Variants in CD8B observed in about 807,000 individuals in gnomAD.
CD8B encodes the protein CD8 subunit beta, also known as T-cell surface glycoprotein CD8 beta chain.
In CD8B, 6 loss-of-function variants were observed where a neutral mutation model predicts 24.2. The ratio of observed to expected loss-of-function variants is 0.25; its 90% CI spans 0.14 to 0.49. CD8B has a LOEUF of 0.49. Among genes scored for constraint, CD8B ranks in the 20% least tolerant of loss-of-function variants. The pLI is 0.98. For synonymous variants in CD8B, 84 were observed against 108.3 expected, an observed-to-expected ratio of 0.78 and a Z score of 1.39; for missense variants, 196 against 271.3, an observed-to-expected ratio of 0.72 and a Z score of 1.95.
At chr2:86,861,545 G>A (rs578019618) in intron 1 of CD8B, among the ~76,000 whole-genome samples, 2 of 152,200 alleles carry the variant, frequency 1.3e-5, no homozygotes, top group Non-Finnish European at 2.9e-5. Context: ...TCCCTCACTC[G>A]CTCCCCTTTT....
At chr2:86,815,490 T>TG, downstream of CD8B, 2 of 722,228 alleles carry the variant, frequency 2.8e-6, no homozygotes, top group East Asian at 2.5e-5. Context: ...CCCTATGACT[T>TG]GGGGGGTTGA....
At chr2:86,857,684 C>T (rs1313045021) in intron 2 of CD8B, among the ~76,000 whole-genome samples, 1 of 152,082 alleles carries the variant, frequency 6.6e-6, no homozygotes, top group Non-Finnish European at 1.5e-5. Flanking sequence ...CGCACCACTG[C>T]ACCCCAGCCT....
intron 2 of CD8B, among the ~76,000 whole-genome samples, chr2:86,856,004 C>T (rs1481184829): frequency 1.3e-5 from 2 of 152,252 alleles, no homozygotes; most frequent in Non-Finnish European, 2.9e-5. Flanking sequence ...CCATGATATA[C>T]TTAAGGGCCT....
chr2:86,821,083 G>GCTGGCTTTGAATAC (rs1674444995), intron 5 of CD8B, among the ~76,000 whole-genome samples: 1 of 151,546 alleles, frequency 6.6e-6, no homozygotes, highest in South Asian at 2.1e-4. Flanking sequence ...AGGCGGTGTA[G>GCTGGCTTTGAATAC]CTGGCTTTGA....
chr2:86,842,337 T>A lies in CD8B; in HGVS notation c.621-18A>T. On this transcript the variant is annotated intron_variant, in intron 5 of 5. Transcript: ENST00000390655. ...TGTAAAATCTGAAAACAACAGCAAG[T>A]TGTGAAACCACTTATTTTCAGGCAA... 1.3e-6 allele frequency: 2 copies of A among 1,561,432 alleles called. No individual in the cohort carries two copies.
chr2:86,833,009 C>A, intron 5 of CD8B: 1 of 363,856 alleles, frequency 2.7e-6, no homozygotes, highest in Non-Finnish European at 5.5e-6. Context: ...CCTCTTCTCT[C>A]TCTCCCTCTT....
intron 3 of CD8B, among the ~76,000 whole-genome samples, chr2:86,849,674 C>T (rs1481348315): frequency 2.7e-5 from 4 of 149,270 alleles, no homozygotes; most frequent in South Asian, 4.2e-4. Flanking sequence ...GTGAACTTTG[C>T]GGTATGCAAA....
chr2:86,832,650 G>A (rs1674948589), intron 5 of CD8B, among the ~76,000 whole-genome samples: 1 of 151,484 alleles, frequency 6.6e-6, no homozygotes, highest in African/African-American at 2.4e-5. Context: ...CCCTTCTGTT[G>A]TTGGTTTGCC....
Position 86,839,410 on chromosome 2 carries a change from A to G in CD8B, c.*2897T>C, listed in dbSNP as rs910071391. ...ACTTTTTGATGTATTTCTTTCAGATAAATGCCAACAAGTGGAATTGCTAGT... is the reference window on the plus strand; with the variant it reads ...ACTTTTTGATGTATTTCTTTCAGATGAATGCCAACAAGTGGAATTGCTAGT... On this transcript the variant is annotated 3_prime_UTR_variant, in exon 6 of 6. Coordinates refer to ENST00000390655, the MANE Select transcript of CD8B (RefSeq NM_004931.5). Among the ~76,000 whole-genome samples the G allele has an allele frequency of 2.0e-5, 3 of 152,276 alleles. No homozygotes were observed. The highest frequency in any genetic ancestry group is 4.4e-5 in the Non-Finnish European group (3 of 68,056).
At chr2:86,815,691 G>A in exon 6 of CD8B, 2 of 1,611,238 alleles carry the variant, frequency 1.2e-6, no homozygotes, top group South Asian at 2.2e-5. Flanking sequence ...GGGGGACAAA[G>A]GTTCCTGATA....
At chr2:86,854,971 A>G (rs1484579627) in intron 2 of CD8B, among the ~76,000 whole-genome samples, 1 of 152,060 alleles carries the variant, frequency 6.6e-6, no homozygotes, top group Non-Finnish European at 1.5e-5. Context: ...AAATACAAAA[A>G]TTAGTTGGGC....
Position 86,857,725 on chromosome 2 carries a change from A to T in CD8B, c.403+332T>A, listed in dbSNP as rs200810331. Reference sequence around the variant, plus strand: ...ACACAGTGAGGCTCTGTCTCAAAAAAAATAATAATAATAAATAAATAAAAA... The same window carrying T: ...ACACAGTGAGGCTCTGTCTCAAAAATAATAATAATAATAAATAAATAAAAA... On this transcript the variant is annotated intron_variant, in intron 2 of 5. Transcript: ENST00000390655. 5.5e-4 allele frequency among the ~76,000 whole-genome samples: 83 copies of T among 152,254 alleles called. 1 individual carries two copies. Among genetic ancestry groups the T allele is most frequent in the Admixed American group, 3.0e-3 (46 of 15,290 alleles).
At chr2:86,845,549 G>T (rs1275856228) in intron 4 of CD8B, among the ~76,000 whole-genome samples, 1 of 152,114 alleles carries the variant, frequency 6.6e-6, no homozygotes, top group African/African-American at 2.4e-5. Context: ...TCCCTCCTCA[G>T]CCTCTCGAGT....
At chr2:86,843,213 C>T (rs555428876) in intron 5 of CD8B, among the ~76,000 whole-genome samples, 2 of 152,040 alleles carry the variant, frequency 1.3e-5, no homozygotes, top group East Asian at 3.9e-4. Context: ...TTACCTCAGC[C>T]TCTCGAGTAG....
intron 5 of CD8B, chr2:86,821,642 A>G (rs1246326189): frequency 3.0e-6 from 1 of 334,532 alleles, no homozygotes; most frequent in Non-Finnish European, 6.6e-6. Flanking sequence ...TCCATAACTG[A>G]GAGCAGGCAG....
chr2:86,829,428 T>G (rs149514971), intron 5 of CD8B, among the ~76,000 whole-genome samples: 1 of 152,218 alleles, frequency 6.6e-6, no homozygotes, highest in African/African-American at 2.4e-5. Flanking sequence ...TCTGAATATT[T>G]TGTTTACTGT....
chr2:86,846,516 T>C (rs1050058299), intron 4 of CD8B, among the ~76,000 whole-genome samples, 168 bp downstream of exon 4: 2 of 152,172 alleles, frequency 1.3e-5, no homozygotes, highest in African/African-American at 4.8e-5. Context: ...TCTTTGGTTT[T>C]GGCTGCGTAG....
At chr2:86,822,433 G>T in intron 5 of CD8B, 3 of 1,023,860 alleles carry the variant, frequency 2.9e-6, no homozygotes, top group South Asian at 2.8e-5. Context: ...GAAATGTTCA[G>T]AAATAAAGCA....
Position 86,858,388 on chromosome 2 carries a change from C to T in CD8B, c.72G>A (p.Gln24=). 2 of 1,602,272 alleles carry T rather than the reference C, an allele frequency of 1.2e-6. No homozygotes were observed. Among genetic ancestry groups the T allele is most frequent in the Non-Finnish European group, 1.7e-6 (2 of 1,172,728 alleles). ...TTTGCACCTTTATGTATGCAGGGGT[C>T]TGCTGGAGGACTGAGTTGCCATGGA... ...TVLHGNSVLQ[Q]TPAYIKVQTN... Residue 24 remains glutamine (Q), a synonymous_variant, in exon 2 of 6, where the codon CAG becomes CAA. Transcript: ENST00000390655.
Sources: gnomAD v4.1 joint callset for allele counts (sites outside exome capture counted in the v4.1 genomes callset) on GRCh38, gnomAD v4.1.1 for gene constraint, MANE v1.5 for transcripts, NCBI Gene and HGNC (gene_info 2026-07-23, HGNC 2026-07-21) for gene names.